Variants in NBAS observed in about 807,000 individuals in gnomAD.
The protein encoded by NBAS is NBAS subunit of NRZ tethering complex.
In NBAS, 219 loss-of-function variants were observed where a neutral mutation model predicts 302.5. The ratio of observed to expected loss-of-function variants is 0.72; its 90% CI spans 0.65 to 0.81. The LOEUF is 0.81. Among genes scored for constraint, NBAS ranks in the 30% least tolerant of loss-of-function variants. The pLI, the probability that NBAS is intolerant of heterozygous loss-of-function variation, is 0.00. For missense variants in NBAS, 2,932 were observed against 2,841.6 expected (o/e 1.03, Z -0.72); for synonymous variants, 1,118 against 1,021.6 (o/e 1.09, Z -1.80).
intron 48 of NBAS, among the ~76,000 whole-genome samples, chr2:15,191,280 G>C (rs1665342956): frequency 6.6e-6 from 1 of 152,124 alleles, no homozygotes; most frequent in Non-Finnish European, 1.5e-5. Flanking sequence ...TACATTGTCT[G>C]CACTAATGCA....
the NBAS span, among the ~76,000 whole-genome samples, chr2:14,925,828 GA>G: frequency 6.6e-6 from 1 of 152,142 alleles, no homozygotes; most frequent in African/African-American, 2.4e-5. Context: ...TCATACTATA[GA>G]AGAATTAAAC....
the NBAS span, among the ~76,000 whole-genome samples, chr2:14,863,673 G>A: frequency 5.3e-5 from 8 of 152,216 alleles, no homozygotes; most frequent in Admixed American, 2.0e-4. Flanking sequence ...GCTTAGTTCC[G>A]GCTCAGAGGC....
chr2:15,123,606 T>G, the NBAS span, among the ~76,000 whole-genome samples: 1 of 152,114 alleles, frequency 6.6e-6, no homozygotes, highest in Non-Finnish European at 1.5e-5. Flanking sequence ...TCTCAGTTGG[T>G]TCACAGGAGA....
At chr2:15,431,170 T>C (rs1457560166) in intron 21 of NBAS, among the ~76,000 whole-genome samples, 2 of 152,146 alleles carry the variant, frequency 1.3e-5, no homozygotes, top group South Asian at 2.1e-4. Context: ...ACCATTTACA[T>C]GCATATCAAA....
At chr2:15,040,431 G>T in the NBAS span, among the ~76,000 whole-genome samples, 2 of 152,318 alleles carry the variant, frequency 1.3e-5, no homozygotes, top group Admixed American at 6.5e-5. Flanking sequence ...TTAAGCACAT[G>T]CGTATGGACC....
chr2:15,500,988 T>G (rs1276734690), intron 11 of NBAS, among the ~76,000 whole-genome samples: 2 of 150,444 alleles, frequency 1.3e-5, no homozygotes, highest in African/African-American at 2.4e-5. Context: ...AAATAATTCT[T>G]ATTTTAACAT....
intron 44 of NBAS, among the ~76,000 whole-genome samples, chr2:15,267,269 T>C (rs1425618650): frequency 1.3e-5 from 2 of 152,194 alleles, no homozygotes; most frequent in Admixed American, 6.5e-5. Flanking sequence ...GTCTACAGCA[T>C]GCAGAATAGT....
chr2:14,901,968 C>T, the NBAS span, among the ~76,000 whole-genome samples: 8 of 152,298 alleles, frequency 5.3e-5, no homozygotes, highest in Admixed American at 3.3e-4. Context: ...TGTCCTCTCG[C>T]GATAACAGCC....
the NBAS span, among the ~76,000 whole-genome samples, chr2:15,139,215 T>C: frequency 2.6e-5 from 4 of 152,204 alleles, no homozygotes; most frequent in Non-Finnish European, 5.9e-5. Flanking sequence ...ACACAGGCCA[T>C]TATCATCTTT....
rs2148113419 is a variant in NBAS at position 15,292,780 on chromosome 2, G to A, written c.4798-14C>T. 1.9e-6 allele frequency: 3 copies of A among 1,612,170 alleles called. No homozygotes were observed. Among genetic ancestry groups the A allele is most frequent in the Non-Finnish European group, 2.5e-6 (3 of 1,178,342 alleles). ...TTTGGGATCAGCCTATGAAAGACAT[G>A]GAAAAGAAGACATTTTACCAACATC... is the stretch of plus-strand genomic sequence containing the variant. On this transcript the variant is annotated splice_polypyrimidine_tract_variant and intron_variant, in intron 40 of 51. Transcript: ENST00000281513.
In NBAS at chr2:15,288,844, G is replaced by T. The variant is rs536468472; in HGVS notation, c.5028-1661C>A. On this transcript the variant is annotated intron_variant, in intron 41 of 51. Transcript: ENST00000281513. Reference sequence around the variant, plus strand: ...CATTTATATGCTTGCATAGCCAGGGGCTGGCAAACGTTTTCTGGGAAAGGT... The same window carrying T: ...CATTTATATGCTTGCATAGCCAGGGTCTGGCAAACGTTTTCTGGGAAAGGT... Among the ~76,000 whole-genome samples, 7 of 152,338 alleles carry T rather than the reference G, an allele frequency of 4.6e-5. 1 individual carries two copies. The South Asian group carries it at 8.3e-4, about 18-fold the overall frequency.
intron 5 of NBAS, 61 bp from the exon 6 acceptor site, chr2:15,551,597 T>C: frequency 7.9e-7 from 1 of 1,271,482 alleles, no homozygotes; most frequent in Non-Finnish European, 1.1e-6. Context: ...AACCATAAAA[T>C]ACCAGATACT....
At chr2:15,125,104 C>G in the NBAS span, among the ~76,000 whole-genome samples, 1 of 152,220 alleles carries the variant, frequency 6.6e-6, no homozygotes, top group Non-Finnish European at 1.5e-5. Context: ...GTTAGAGCAG[C>G]TACATGGGCT....
chr2:14,797,912 A>T, the NBAS span, among the ~76,000 whole-genome samples: 1 of 152,154 alleles, frequency 6.6e-6, no homozygotes, highest in Non-Finnish European at 1.5e-5. Flanking sequence ...TTTGTTGCTA[A>T]TATATAGGAA....
chr2:14,887,399 C>CAAAAAAAAAAAAAA, the NBAS span, among the ~76,000 whole-genome samples: 135 of 84,568 alleles, frequency 1.6e-3, 10 homozygotes, highest in African/African-American at 5.0e-3. Context: ...TGAGACTCCT[C>CAAAAAAAAAAAAAA]AAAAAAAAAA....
At chr2:15,269,275 G>A (rs182075500) in intron 44 of NBAS, among the ~76,000 whole-genome samples, 5 of 152,268 alleles carry the variant, frequency 3.3e-5, no homozygotes, top group African/African-American at 1.2e-4. Flanking sequence ...ATGGATGGAC[G>A]GATACATTGT....
the NBAS span, among the ~76,000 whole-genome samples, chr2:15,129,546 C>A: frequency 6.6e-6 from 1 of 152,210 alleles, no homozygotes; most frequent in South Asian, 2.1e-4. Context: ...CAGCCAGACA[C>A]GGGGCTCCCA....
rs529022435 is a variant in NBAS at position 15,249,569 on chromosome 2, C to T, written c.5725-10883G>A. Reference sequence around the variant, plus strand: ...CAATTGTATATTTAGAAAACCCCATCGTCTCAGCCCAAAATCTCCTTAAGC... The same window carrying T: ...CAATTGTATATTTAGAAAACCCCATTGTCTCAGCCCAAAATCTCCTTAAGC... On this transcript the variant is annotated intron_variant, in intron 44 of 51. Coordinates refer to ENST00000281513, the MANE Select transcript of NBAS (RefSeq NM_015909.4). Among the ~76,000 whole-genome samples the T allele has an allele frequency of 2.6e-5, 4 of 152,292 alleles. No individual in the cohort carries two copies. In the South Asian group the frequency reaches 6.2e-4, roughly 24 times the overall value.
At chr2:15,392,719 G>C (rs961479496) in intron 28 of NBAS, among the ~76,000 whole-genome samples, 1 of 151,870 alleles carries the variant, frequency 6.6e-6, no homozygotes, top group African/African-American at 2.4e-5. Flanking sequence ...CTACAGATTT[G>C]ATGCAATCCT....
Sources: allele counts gnomAD v4.1 joint callset (sites outside exome capture counted in the v4.1 genomes callset), GRCh38; gene constraint gnomAD v4.1.1; transcripts MANE v1.5; gene names NCBI Gene and HGNC (gene_info 2026-07-23, HGNC 2026-07-21).